Variants in IMMP2L observed in about 807,000 individuals in gnomAD.
IMMP2L encodes the protein mitochondrial inner membrane protease subunit 2.
In IMMP2L, 18 loss-of-function variants were observed where a neutral mutation model predicts 19.3. That is an observed-to-expected ratio of 0.93 (90% CI 0.64 to 1.38). IMMP2L has a LOEUF of 1.38. IMMP2L is among the 40% of genes most tolerant of loss of function. IMMP2L has a pLI of 0.00. For synonymous variants in IMMP2L, 76 were observed against 73.0 expected (o/e 1.04, Z -0.21); for missense variants, 233 against 218.2 (o/e 1.07, Z -0.43).
At position 111,304,670 on chromosome 7, in the gene IMMP2L, ATGTGTGTGTG is replaced by A. The variant is rs147788856; in HGVS notation, c.239+182558_239+182567del. ...GGGTGTTTATACATACACATATATA[ATGTGTGTGTG>A]TGTGTGTGTGTGTGTGTGTGTGTGT... On this transcript the variant is annotated intron_variant, in intron 3 of 5. Coordinates refer to ENST00000405709, the MANE Select transcript of IMMP2L (RefSeq NM_032549.4). Among the ~76,000 whole-genome samples, 1,085 of 126,060 alleles carry A rather than the reference ATGTGTGTGTG, an allele frequency of 8.6e-3. 6 individuals are homozygous for A. The highest frequency in any genetic ancestry group is 0.016 in the African/African-American group (562 of 34,190). The allele number at this position is 126,060 out of a possible 152,430, so 82.7% of individuals were successfully genotyped here.
intron 4 of IMMP2L, among the ~76,000 whole-genome samples, chr7:110,898,697 T>C (rs1811565801): frequency 6.6e-6 from 1 of 152,056 alleles, no homozygotes; most frequent in Non-Finnish European, 1.5e-5. Context: ...GATTTAAGAG[T>C]TGGGGCACAT....
chr7:111,412,565 A>T (rs1585001712), intron 3 of IMMP2L, among the ~76,000 whole-genome samples: 5 of 152,026 alleles, frequency 3.3e-5, no homozygotes, highest in African/African-American at 1.2e-4. Flanking sequence ...AGGGAAATTT[A>T]AAAACATCTT....
chr7:110,665,218 T>G (rs1051384155), intron 5 of IMMP2L, among the ~76,000 whole-genome samples: 3 of 152,164 alleles, frequency 2.0e-5, no homozygotes, highest in African/African-American at 4.8e-5. Context: ...AAAAAACAGC[T>G]CCATCAAAAG....
chr7:110,790,792 C>A (rs1202892220), intron 5 of IMMP2L, among the ~76,000 whole-genome samples: 1 of 151,660 alleles, frequency 6.6e-6, no homozygotes, highest in Non-Finnish European at 1.5e-5. Context: ...AACTAAAGTT[C>A]CAAAATTCAG....
chr7:111,516,327 A>G (rs1845864036), intron 2 of IMMP2L, among the ~76,000 whole-genome samples: 3 of 151,848 alleles, frequency 2.0e-5, no homozygotes, highest in African/African-American at 7.3e-5. Flanking sequence ...GAGGGTATAT[A>G]TTCATACACG....
intron 4 of IMMP2L, among the ~76,000 whole-genome samples, chr7:110,912,169 G>A (rs917613069): frequency 5.9e-5 from 9 of 152,006 alleles, no homozygotes; most frequent in African/African-American, 2.2e-4. Flanking sequence ...AATGAAAGAA[G>A]GCGAGTTATC....
At chr7:111,483,259 A>T (rs113380966) in intron 3 of IMMP2L, among the ~76,000 whole-genome samples, 475 of 152,314 alleles carry the variant, frequency 3.1e-3, no homozygotes, top group Admixed American at 8.0e-3. Flanking sequence ...GGACTTTATT[A>T]TGAAAGAACC....
intron 3 of IMMP2L, among the ~76,000 whole-genome samples, chr7:111,066,074 G>C (rs1480246340): frequency 6.6e-6 from 1 of 150,588 alleles, no homozygotes; most frequent in Non-Finnish European, 1.5e-5. Flanking sequence ...CGCCTCCTGG[G>C]TTCAAGCAAT....
In IMMP2L at chr7:111,127,905, C is replaced by T. The variant is rs529035096; in HGVS notation, c.240-164340G>A. Among the ~76,000 whole-genome samples the T allele has an allele frequency of 4.0e-5, 6 of 151,804 alleles. No homozygotes were observed. The East Asian group carries it at 9.7e-4, about 24-fold the overall frequency. On this transcript the variant is annotated intron_variant, in intron 3 of 5. Coordinates refer to ENST00000405709, the MANE Select transcript of IMMP2L (RefSeq NM_032549.4). ...AACAATAAGCATACCCAATTGAATA[C>T]AAAAATATATAAAAACAGTGCAAAA...
intron 5 of IMMP2L, among the ~76,000 whole-genome samples, chr7:110,691,361 A>G (rs954373165): frequency 6.6e-6 from 1 of 152,152 alleles, no homozygotes; most frequent in Non-Finnish European, 1.5e-5. Flanking sequence ...CAACAATAAA[A>G]ATTCTAGAAG....
intron 5 of IMMP2L, among the ~76,000 whole-genome samples, chr7:110,812,572 G>C (rs1484535230): frequency 1.3e-5 from 2 of 152,002 alleles, no homozygotes; most frequent in African/African-American, 4.8e-5. Flanking sequence ...GGCATATGTT[G>C]GTTCTAATGA....
chr7:110,954,496 C>G (rs958788012), intron 4 of IMMP2L, among the ~76,000 whole-genome samples: 4 of 152,058 alleles, frequency 2.6e-5, no homozygotes, highest in African/African-American at 9.7e-5. Flanking sequence ...CAAAAACTAT[C>G]ACTATCTGAT....
intron 3 of IMMP2L, among the ~76,000 whole-genome samples, chr7:111,019,758 G>A (rs1826086824): frequency 6.6e-6 from 1 of 152,086 alleles, no homozygotes; most frequent in Non-Finnish European, 1.5e-5. Context: ...CACTACCAGG[G>A]GTTCTGGAGG....
intron 3 of IMMP2L, among the ~76,000 whole-genome samples, chr7:111,363,409 A>T (rs941156622): frequency 3.3e-5 from 5 of 152,158 alleles, no homozygotes; most frequent in African/African-American, 9.7e-5. Context: ...AATAATTTTT[A>T]AAAATGTAGT....
At chr7:110,857,017 C>T (rs529598308) in intron 5 of IMMP2L, among the ~76,000 whole-genome samples, 1 of 152,172 alleles carries the variant, frequency 6.6e-6, no homozygotes, top group African/African-American at 2.4e-5. Context: ...GTTCAATTGT[C>T]TGGGGAACAT....
rs73714355 is a variant in IMMP2L at position 110,760,102 on chromosome 7, C to T, written c.409-96381G>A. Among the ~76,000 whole-genome samples, 3,422 of 152,024 alleles carry T rather than the reference C, an allele frequency of 0.023. 133 individuals carry two copies. Among genetic ancestry groups the T allele is most frequent in the African/African-American group, 0.078 (3,242 of 41,470 alleles). On this transcript the variant is annotated intron_variant, in intron 5 of 5. Coordinates refer to ENST00000405709, the MANE Select transcript of IMMP2L (RefSeq NM_032549.4). The surrounding 1 kb of genome is among the most constrained non-coding windows in gnomAD (Gnocchi z 4.2). ...GTGCTTTGTCATCACAAAAGAAAAC[C>T]GTTTTATTTTTCTAATTATTATCTA...
chr7:111,200,825 A>G (rs1391298365), intron 3 of IMMP2L, among the ~76,000 whole-genome samples: 1 of 152,156 alleles, frequency 6.6e-6, no homozygotes, highest in African/African-American at 2.4e-5. Flanking sequence ...AAAAGACAAA[A>G]AGGCATTACA....
chr7:111,401,152 C>T (rs1374549655), intron 3 of IMMP2L, among the ~76,000 whole-genome samples: 1 of 152,090 alleles, frequency 6.6e-6, no homozygotes, highest in African/African-American at 2.4e-5. Context: ...AAAAACTCAG[C>T]CTCTTGATCT....
At chr7:111,235,026 T>A (rs1477844982) in intron 3 of IMMP2L, among the ~76,000 whole-genome samples, 1 of 152,198 alleles carries the variant, frequency 6.6e-6, no homozygotes, top group Admixed American at 6.5e-5. Flanking sequence ...TCCAGGTTTC[T>A]AACTGATAAC....
Sources: allele counts gnomAD v4.1 joint callset (sites outside exome capture counted in the v4.1 genomes callset), GRCh38; gene constraint gnomAD v4.1.1; non-coding constraint Gnocchi (gnomAD v3.1); transcripts MANE v1.5; gene names NCBI Gene and HGNC (gene_info 2026-07-23, HGNC 2026-07-21).